PCNX4: variants seen among roughly 807,000 people sequenced by gnomAD.
The protein encoded by PCNX4 is pecanex 4.
In PCNX4, 103 loss-of-function variants were observed where a neutral mutation model predicts 107.2. That is an observed-to-expected ratio of 0.96 (90% CI 0.82 to 1.13). The LOEUF (loss-of-function observed/expected upper bound fraction) is 1.13, where lower values mean the gene tolerates loss of function less well. Ranked by LOEUF, PCNX4 falls within the 50% of genes most tolerant of loss-of-function variation. PCNX4 has a pLI of 0.00. For synonymous variants in PCNX4, 541 were observed against 481.7 expected (o/e 1.12, Z -1.61); for missense variants, 1,528 against 1,379.4 (o/e 1.11, Z -1.71).
rs867176327 is a variant in PCNX4 at position 60,125,205 on chromosome 14, C to G, written c.3034C>G (p.Leu1012Val). The stretch of plus-strand genomic sequence containing the variant: ...GCCTTGGTCTGTTGCTTTGGACTGG[C>G]TCACAGAAAAGCCAGAACTGTTTCA... Reference protein sequence around the residue: ...VLPWSVALDWLTEKPELFQLA... With the variant: ...VLPWSVALDWVTEKPELFQLA... Residue 1012 changes from leucine to valine, a missense_variant, in exon 9 of 11, where the codon CTC (leucine) becomes GTC (valine). By Grantham distance (32) the Leu-to-Val change is conservative. Coordinates refer to ENST00000406854, the MANE Select transcript of PCNX4 (RefSeq NM_001330177.2). 6.2e-7 allele frequency: 1 copy of G among 1,604,984 alleles called. No individual in the cohort carries two copies. The highest frequency in any genetic ancestry group is 8.5e-7 in the Non-Finnish European group (1 of 1,176,584).
Position 60,115,272 on chromosome 14 carries a change from A to C in PCNX4, c.1168A>C (p.Ile390Leu). The C allele has an allele frequency of 1.2e-6, 2 of 1,610,998 alleles. No homozygotes were observed. Among genetic ancestry groups the C allele is most frequent in the Non-Finnish European group, 1.7e-6 (2 of 1,177,470 alleles). Residue 390 changes from isoleucine (I) to leucine (L), a missense_variant, in exon 4 of 11, where the codon ATT becomes CTT. Physicochemically the swap from Ile to Leu is conservative, Grantham distance 5 (BLOSUM62 2). Coordinates refer to ENST00000406854, the MANE Select transcript of PCNX4 (RefSeq NM_001330177.2). ...SQISKSNSQA[I>L]VGYGLMILLI... ...GATTTCTAAAAGCAATTCCCAGGCT[A>C]TTGTGGGCTATGGTTTGATGATATT...
rs1454401309 is a variant in PCNX4, at chr14:60,107,985, A to G, written c.347A>G (p.His116Arg). ...TTDILAEEDE[H>R]EFTSCTGAET... is the part of the protein sequence containing the mutation. The stretch of plus-strand genomic sequence containing the variant: ...GATATCTTAGCAGAGGAGGATGAGC[A>G]TGAATTTACCAGTTGTACTGGTGCT... The change falls in exon 2 of 11, where the codon CAT (histidine) becomes CGT (arginine). Residue 116 changes from histidine (H) to arginine (R), a missense_variant. By Grantham distance (29) the His-to-Arg change is conservative (BLOSUM62 0). Coordinates refer to ENST00000406854, the MANE Select transcript of PCNX4 (RefSeq NM_001330177.2). The G allele has an allele frequency of 6.2e-6, 10 of 1,612,870 alleles. No homozygotes were observed. Among genetic ancestry groups the G allele is most frequent in the East Asian group, 2.2e-5 (1 of 44,880 alleles).
chr14:60,137,073 A>G lies in PCNX4; in HGVS notation c.*2852A>G, dbSNP rs1896248994. On this transcript the variant is annotated 3_prime_UTR_variant, in exon 11 of 11. Transcript: ENST00000406854. Reference sequence around the variant, plus strand: ...TTTCAGAGAACTAGCAATGCCAGGCAAAATAGTATTTTAAAATCTGCTTAA... The same window carrying G: ...TTTCAGAGAACTAGCAATGCCAGGCGAAATAGTATTTTAAAATCTGCTTAA... The G allele has an allele frequency of 6.6e-6, 1 of 152,250 alleles. No individual in the cohort carries two copies. The highest frequency in any genetic ancestry group is 1.5e-5 in the Non-Finnish European group (1 of 68,036). 9.4% of individuals were successfully genotyped at this position (152,250 alleles called of 1,614,324 possible).
At position 60,147,173 on chromosome 14, in the gene PCNX4, G is replaced by C. The variant is rs392256; in HGVS notation, c.*12952G>C. Reference sequence around the variant, plus strand: ...GCTTGAGCCTGGGAGGTAGAGATGGGAGTGAGCCATGATCACGCCACTGCA... The same window carrying C: ...GCTTGAGCCTGGGAGGTAGAGATGGCAGTGAGCCATGATCACGCCACTGCA... On this transcript the variant is annotated 3_prime_UTR_variant, in exon 11 of 11. Transcript: ENST00000406854. 0.27 allele frequency: 41,354 copies of C among 151,946 alleles called. 7,648 individuals are homozygous for C. Among genetic ancestry groups the C allele is most frequent in the African/African-American group, 0.52 (21,477 of 41,384 alleles). 9.4% of individuals were successfully genotyped at this position (151,946 alleles called of 1,614,324 possible).
Position 60,121,280 on chromosome 14 carries a change from A to G in PCNX4, c.2027A>G (p.Tyr676Cys). 2 of 1,605,634 alleles carry G rather than the reference A, an allele frequency of 1.2e-6. No individual in the cohort carries two copies. The highest frequency in any genetic ancestry group is 1.7e-6 in the Non-Finnish European group (2 of 1,177,436). ...ATGATTCTGGAATGTGGCTATACTT[A>G]CTGCTCTATTAACATTAAGGTCAGT... ...WIMILECGYTYCSINIKGLEL... is the reference protein window; with the variant it reads ...WIMILECGYTCCSINIKGLEL... The change falls in exon 8 of 11, where the codon TAC becomes TGC. Residue 676 changes from tyrosine (Y) to cysteine (C), a missense_variant. Physicochemically the swap from Tyr to Cys is radical, Grantham distance 194. Transcript: ENST00000406854.
Position 60,130,005 on chromosome 14 carries a change from A to G in PCNX4, c.3268-3965A>G, listed in dbSNP as rs866003144. 3.3e-5 allele frequency among the ~76,000 whole-genome samples: 5 copies of G among 152,316 alleles called. No homozygotes were observed. The Middle Eastern group carries it at 0.014, about 414-fold the overall frequency. Reference sequence around the variant, plus strand: ...CAGGCAAAATTCAGCTATTTCAGTAATAAAATTAATGGGAATGGATTAAAT... The same window carrying G: ...CAGGCAAAATTCAGCTATTTCAGTAGTAAAATTAATGGGAATGGATTAAAT... On this transcript the variant is annotated intron_variant, in intron 10 of 10. Transcript: ENST00000406854.
At chr14:60,096,895 A>T (rs1895435950) in intron 1 of PCNX4, among the ~76,000 whole-genome samples, 1 of 152,242 alleles carries the variant, frequency 6.6e-6, no homozygotes, top group East Asian at 1.9e-4. Flanking sequence ...CCAAATAATT[A>T]AGCCAAGTAT....
At chr14:60,100,770 C>G (rs1895515147) in intron 1 of PCNX4, among the ~76,000 whole-genome samples, 1 of 152,178 alleles carries the variant, frequency 6.6e-6, no homozygotes, top group African/African-American at 2.4e-5. Flanking sequence ...TCTTGACTTT[C>G]CAATCTGACT....
chr14:60,129,692 G>A (rs1189777525), intron 10 of PCNX4, among the ~76,000 whole-genome samples: 1 of 152,202 alleles, frequency 6.6e-6, no homozygotes. Context: ...AATGTGATAT[G>A]TATAACAGTG....
At chr14:60,128,198 C>T (rs1279483205) in intron 10 of PCNX4, among the ~76,000 whole-genome samples, 1 of 152,130 alleles carries the variant, frequency 6.6e-6, no homozygotes, top group Admixed American at 6.5e-5. Context: ...ATGGCTGAAA[C>T]TTCTTAAATT....
chr14:60,129,429 G>A (rs1896115223), intron 10 of PCNX4, among the ~76,000 whole-genome samples: 1 of 151,810 alleles, frequency 6.6e-6, no homozygotes, highest in South Asian at 2.1e-4. Flanking sequence ...GCGTGCATTT[G>A]TAGTCCTAGC....
rs571972874 is a variant in PCNX4 at position 60,115,743 on chromosome 14, T to A, written c.1382T>A (p.Phe461Tyr). 4.3e-6 allele frequency: 7 copies of A among 1,613,322 alleles called. No individual in the cohort carries two copies. The Admixed American group carries it at 5.0e-5, about 12-fold the overall frequency. Residue 461 changes from phenylalanine (F) to tyrosine (Y), a missense_variant, in exon 5 of 11, where the codon TTT becomes TAT. Phe to Tyr is a conservative substitution (Grantham distance 22). Transcript: ENST00000406854. ...GTATCACCTTTTGCCATGATAGCAT[T>A]TCTTTCATTGGACAGTTCCTTACAA... ...TLVSPFAMIA[F>Y]LSLDSSLQGL...
chr14:60,123,298 A>G (rs1161427209), intron 8 of PCNX4, among the ~76,000 whole-genome samples: 1 of 152,086 alleles, frequency 6.6e-6, no homozygotes, highest in African/African-American at 2.4e-5. Context: ...CATGCCATCT[A>G]TTAACAATTA....
At position 60,134,596 on chromosome 14, in the gene PCNX4, A is replaced by T; in HGVS notation, c.*375A>T. On this transcript the variant is annotated 3_prime_UTR_variant, in exon 11 of 11. Transcript: ENST00000406854. Reference sequence around the variant, plus strand: ...GTAATTTTTACATACTTAAGAGATAAACATATCAGTGTTCTAAGTAGTGAT... The same window carrying T: ...GTAATTTTTACATACTTAAGAGATATACATATCAGTGTTCTAAGTAGTGAT... The T allele has an allele frequency of 5.3e-6, 1 of 188,202 alleles. No individual in the cohort carries two copies. Among genetic ancestry groups the T allele is most frequent in the Non-Finnish European group, 1.1e-5 (1 of 90,542 alleles). 11.7% of individuals were successfully genotyped at this position (188,202 alleles called of 1,614,324 possible).
At position 60,097,200 on chromosome 14, in the gene PCNX4, A is replaced by G. The variant is rs748024120; in HGVS notation, c.-54+4781A>G. On this transcript the variant is annotated intron_variant, in intron 1 of 10. Transcript: ENST00000406854. ...AATCTCTTCACTGCTGGCATTGACA[A>G]CTAATAACTGAGGGTGCCCGGAATC... Among the ~76,000 whole-genome samples the G allele has an allele frequency of 5.0e-4, 76 of 152,158 alleles. 1 individual carries two copies. The highest frequency in any genetic ancestry group is 7.2e-4 in the Admixed American group (11 of 15,278).
chr14:60,133,741 G>A (rs2140570849), intron 10 of PCNX4: 3 of 633,214 alleles, frequency 4.7e-6, no homozygotes, highest in Non-Finnish European at 8.6e-6. Context: ...TGGTGATTGA[G>A]ATGGCTGCCA....
chr14:60,101,288 C>G (rs1020814627), intron 1 of PCNX4, among the ~76,000 whole-genome samples: 1 of 152,156 alleles, frequency 6.6e-6, no homozygotes, highest in Non-Finnish European at 1.5e-5. Flanking sequence ...GGCACATGTT[C>G]TGAGGACCTC....
chr14:60,110,198 A>G (rs1444912192), intron 2 of PCNX4: 1 of 167,204 alleles, frequency 6.0e-6, no homozygotes, highest in African/African-American at 2.4e-5. Flanking sequence ...GACAGGAAGT[A>G]ATGAAGGCCG....
intron 10 of PCNX4, chr14:60,133,540 A>G: frequency 2.5e-6 from 1 of 392,900 alleles, no homozygotes; most frequent in African/African-American, 2.1e-5. Context: ...TGTGACTATA[A>G]TAAAAGCCAC....
Sources: allele counts gnomAD v4.1 joint callset (sites outside exome capture counted in the v4.1 genomes callset), GRCh38; gene constraint gnomAD v4.1.1; transcripts MANE v1.5; gene names NCBI Gene and HGNC (gene_info 2026-07-23, HGNC 2026-07-21).